The following PAPPA2 variants were observed in gnomAD, a reference collection of about 807,000 sequenced individuals.
PAPPA2 encodes pappalysin-2.
A neutral mutation model predicts 176.4 loss-of-function variants in PAPPA2; 86 were observed. The ratio of observed to expected loss-of-function variants is 0.49; its 90% confidence interval spans 0.41 to 0.58. PAPPA2 has a LOEUF of 0.58. Ranked by LOEUF, PAPPA2 falls within the 20% of genes least tolerant of loss-of-function variation. The pLI is 0.00. For synonymous variants in PAPPA2, 809 were observed against 852.2 expected (o/e 0.95, Z 0.88); for missense variants, 2,073 against 2,256.9 (o/e 0.92, Z 1.65).
At chr1:176,485,920 A>G (rs1483789473) in intron 1 of PAPPA2, among the ~76,000 whole-genome samples, 3 of 152,248 alleles carry the variant, frequency 2.0e-5, no homozygotes, top group Non-Finnish European at 4.4e-5. Flanking sequence ...ACAAAGGGCA[A>G]TAAATTGTGG....
In PAPPA2 at chr1:176,755,349, G is replaced by A. The variant is rs977229641; in HGVS notation, c.4152-10317G>A. Among the ~76,000 whole-genome samples, 4 of 152,286 alleles carry A rather than the reference G, an allele frequency of 2.6e-5. No homozygotes were observed. In the Middle Eastern group the frequency reaches 0.01, roughly 388 times the overall value. ...AAATCCTTAAGACTTCCATTTAGCC[G>A]TAGCTTATGTATAGCCCACAGAGCA... On this transcript the variant is annotated intron_variant, in intron 14 of 22. Transcript: ENST00000367662.
chr1:176,710,254 T>C, intron 11 of PAPPA2, 78 bp downstream of exon 11: 1 of 1,249,508 alleles, frequency 8.0e-7, no homozygotes, highest in Non-Finnish European at 1.1e-6. Flanking sequence ...ACTTGGGGTC[T>C]ATGTTTGGAT....
Position 176,595,319 on chromosome 1 carries a change from T to C in PAPPA2, c.1715T>C (p.Val572Ala), listed in dbSNP as rs187550460. The C allele has an allele frequency of 6.2e-6, 10 of 1,614,032 alleles. No individual in the cohort carries two copies. In the Admixed American group the frequency reaches 1.0e-4, roughly 16 times the overall value. The change falls in exon 3 of 23, where the codon GTC (valine) becomes GCC (alanine). Residue 572 changes from valine to alanine, a missense_variant. Around this residue, in one of 4 missense-constraint regions of PAPPA2, gnomAD observed 1,196 missense variants for 1,330.4 expected, o/e 0.90. Transcript: ENST00000367662. ...NISWQLSVHQVHNSTLRHRVV... is the reference protein window; with the variant it reads ...NISWQLSVHQAHNSTLRHRVV... ...AGCTGGCAGCTGAGCGTCCACCAGG[T>C]CCACAATTCCACCCTGCGACACCGG...
At chr1:176,816,830 G>A (rs1044454848) in intron 21 of PAPPA2, among the ~76,000 whole-genome samples, 1 of 152,100 alleles carries the variant, frequency 6.6e-6, no homozygotes. Context: ...TAGAGAAGAT[G>A]TCTCTTACTT....
chr1:176,663,845 C>T (rs891765780), intron 3 of PAPPA2, among the ~76,000 whole-genome samples: 3 of 152,078 alleles, frequency 2.0e-5, no homozygotes, highest in African/African-American at 7.2e-5. Flanking sequence ...TCCCACTACA[C>T]TTTTCTTTTG....
chr1:176,527,407 T>G (rs536914130), intron 1 of PAPPA2, among the ~76,000 whole-genome samples: 1 of 152,284 alleles, frequency 6.6e-6, no homozygotes, highest in African/African-American at 2.4e-5. Context: ...AGGTGGATAA[T>G]TTTTTGAGAT....
chr1:176,474,654 A>G (rs1231695670), intron 1 of PAPPA2, among the ~76,000 whole-genome samples: 1 of 152,214 alleles, frequency 6.6e-6, no homozygotes, highest in Non-Finnish European at 1.5e-5. Context: ...GTTCCTATCC[A>G]AGACTCACAC....
At chr1:176,670,687 C>G (rs1658942114) in intron 3 of PAPPA2, among the ~76,000 whole-genome samples, 1 of 152,096 alleles carries the variant, frequency 6.6e-6, no homozygotes, top group African/African-American at 2.4e-5. Flanking sequence ...GAAGAAATAA[C>G]CTGGGCATAG....
At chr1:176,577,897 T>C (rs1652746279) in intron 2 of PAPPA2, among the ~76,000 whole-genome samples, 2 of 152,138 alleles carry the variant, frequency 1.3e-5, no homozygotes, top group South Asian at 2.1e-4. Context: ...AGCATGTTTT[T>C]TTAGTTACCA....
chr1:176,535,164 G>T, intron 1 of PAPPA2, among the ~76,000 whole-genome samples: 1 of 152,174 alleles, frequency 6.6e-6, no homozygotes, highest in South Asian at 2.1e-4. Context: ...TGCGAAAAAA[G>T]TGTCCTCAGA....
intron 3 of PAPPA2, among the ~76,000 whole-genome samples, chr1:176,623,695 T>C (rs1655797071): frequency 8.0e-6 from 1 of 124,668 alleles, no homozygotes; most frequent in African/African-American, 3.5e-5. Flanking sequence ...CTCTCTCTCT[T>C]TCCTTTCTTT....
At chr1:176,546,750 T>C (rs1650658976) in intron 1 of PAPPA2, among the ~76,000 whole-genome samples, 1 of 152,158 alleles carries the variant, frequency 6.6e-6, no homozygotes, top group Non-Finnish European at 1.5e-5. Context: ...ATAATGAAAA[T>C]ACTTAACCAC....
chr1:176,540,128 T>A (rs1650291150), intron 1 of PAPPA2, among the ~76,000 whole-genome samples: 1 of 152,194 alleles, frequency 6.6e-6, no homozygotes, highest in Admixed American at 6.5e-5. Context: ...TCATACTTGT[T>A]TTTTCAGATC....
intron 1 of PAPPA2, among the ~76,000 whole-genome samples, chr1:176,485,516 C>T (rs1652607590): frequency 6.6e-6 from 1 of 152,118 alleles, no homozygotes; most frequent in African/African-American, 2.4e-5. Flanking sequence ...TTCTTATAAC[C>T]ATATTTGGAC....
chr1:176,563,195 A>G (rs1651769932), intron 2 of PAPPA2, among the ~76,000 whole-genome samples: 1 of 152,182 alleles, frequency 6.6e-6, no homozygotes. Flanking sequence ...AAAAGGGTGG[A>G]GGGAACTTTC....
intron 12 of PAPPA2, among the ~76,000 whole-genome samples, chr1:176,727,215 A>G (rs1465095836): frequency 6.6e-6 from 1 of 152,146 alleles, no homozygotes; most frequent in Non-Finnish European, 1.5e-5. Flanking sequence ...GTAGACTTAA[A>G]CCCACCTATA....
intron 15 of PAPPA2, among the ~76,000 whole-genome samples, chr1:176,769,120 G>A (rs1259165262): frequency 6.6e-6 from 1 of 152,202 alleles, no homozygotes; most frequent in African/African-American, 2.4e-5. Flanking sequence ...AAACTGTGTA[G>A]AGCAGGCTTC....
Position 176,474,737 on chromosome 1 carries a change from T to G in PAPPA2, c.-917+11319T>G, listed in dbSNP as rs557423154. Among the ~76,000 whole-genome samples the G allele has an allele frequency of 1.8e-4, 28 of 152,330 alleles. No homozygotes were observed. In the South Asian group the frequency reaches 3.3e-3, roughly 18 times the overall value. ...AAATTGTCAACTCTTTAAATTTGTA[T>G]AGTATAAAAATGTGAGCAAGAGGCT... On this transcript the variant is annotated intron_variant, in intron 1 of 22. Transcript: ENST00000367662.
intron 1 of PAPPA2, among the ~76,000 whole-genome samples, chr1:176,534,556 C>CAGAT (rs1159713434): frequency 6.6e-6 from 1 of 152,172 alleles, no homozygotes; most frequent in East Asian, 1.9e-4. Flanking sequence ...TATTTGATAA[C>CAGAT]AGATAGAATA....
Sources: gnomAD v4.1 joint callset for allele counts (sites outside exome capture counted in the v4.1 genomes callset) on GRCh38, gnomAD v4.1.1 for gene constraint, gnomAD v4.1.1 regional missense constraint, MANE v1.5 for transcripts, NCBI Gene and HGNC (gene_info 2026-07-23, HGNC 2026-07-21) for gene names.